TOR3A: variants seen among roughly 807,000 people sequenced by gnomAD.
The protein encoded by TOR3A is torsin-3A.
Under a neutral mutation model 42.1 loss-of-function variants are expected in TOR3A, and 44 were observed. The ratio of observed to expected loss-of-function variants is 1.04; its 90% CI spans 0.82 to 1.34. TOR3A has a LOEUF of 1.34. TOR3A is among the 40% of genes most tolerant of loss of function. The probability of loss-of-function intolerance (pLI) is 0.00; values close to 1 mark genes in which losing one functional copy is unlikely to be tolerated. For missense variants in TOR3A, 521 were observed against 507.6 expected (o/e 1.03, Z -0.25); for synonymous variants, 227 against 213.2 (o/e 1.06, Z -0.57).
chr1:179,085,068 G>C (rs994856324), intron 2 of TOR3A, among the ~76,000 whole-genome samples: 1 of 152,204 alleles, frequency 6.6e-6, no homozygotes, highest in Non-Finnish European at 1.5e-5. Context: ...GGTATCTGCA[G>C]GATCTTTAGG....
rs1178117210 is a variant in TOR3A, at chr1:179,087,911, G to A, written c.640G>A (p.Glu214Lys). 6.3e-7 allele frequency: 1 copy of A among 1,580,746 alleles called. No homozygotes were observed. Among genetic ancestry groups the A allele is most frequent in the Non-Finnish European group, 8.6e-7 (1 of 1,164,510 alleles). ...PHPKYVDLYK[E>K]QLMSQIRETQ... ...CAGCTGCTCCCTATATCCCGTGCAG[G>A]AGCAGCTGATGAGCCAGATCCGGGA... The change falls in exon 4 of 6, where the codon GAG becomes AAG. Residue 214 changes from glutamate (E) to lysine (K), a missense_variant and splice_region_variant. Coordinates refer to ENST00000367627, the MANE Select transcript of TOR3A (RefSeq NM_022371.4).
At chr1:179,091,933 G>A (rs189006579) in intron 4 of TOR3A, among the ~76,000 whole-genome samples, 2 of 152,202 alleles carry the variant, frequency 1.3e-5, no homozygotes, top group African/African-American at 2.4e-5. Flanking sequence ...TCAGAAAGTG[G>A]AAGAGTGGTG....
chr1:179,087,926 C>T lies in TOR3A; in HGVS notation c.655C>T (p.Gln219Ter). The change falls in exon 4 of 6, where the codon CAG (glutamine) becomes TAG (stop). Residue 219 changes from glutamine (Q) to a stop codon, truncating the protein, a stop_gained. Transcript: ENST00000367627. LOFTEE classifies it high-confidence loss of function. ...VDLYKEQLMS[Q>*]IRETQQLCHQ... is the part of the protein sequence containing the mutation. ...TCCCGTGCAGGAGCAGCTGATGAGC[C>T]AGATCCGGGAGACGCAGCAGCTCTG... The T allele has an allele frequency of 6.3e-7, 1 of 1,593,424 alleles. No individual in the cohort carries two copies. Among genetic ancestry groups the T allele is most frequent in the Non-Finnish European group, 8.5e-7 (1 of 1,170,312 alleles).
At chr1:179,091,242 G>A (rs749866062) in intron 4 of TOR3A, among the ~76,000 whole-genome samples, 2 of 152,182 alleles carry the variant, frequency 1.3e-5, no homozygotes, top group Non-Finnish European at 2.9e-5. Context: ...GGGGATGAGG[G>A]CTGGTTGAGA....
chr1:179,083,143 C>G, intron 2 of TOR3A, 90 bp downstream of exon 2: 1 of 714,774 alleles, frequency 1.4e-6, no homozygotes, highest in Non-Finnish European at 2.1e-6. Flanking sequence ...GACCTTTCGT[C>G]ATCCTGCCCA....
At chr1:179,086,665 CAAA>C (rs149541470) in intron 3 of TOR3A, among the ~76,000 whole-genome samples, 101 of 123,758 alleles carry the variant, frequency 8.2e-4, no homozygotes, top group East Asian at 9.9e-4. Context: ...GACTCCATCT[CAAA>C]AAAAAAAAAA....
At chr1:179,094,844 C>T in intron 5 of TOR3A, 124 bp from the exon 6 acceptor site, 1 of 937,286 alleles carries the variant, frequency 1.1e-6, no homozygotes, top group South Asian at 1.5e-5. Context: ...CACCACTGCA[C>T]TCCAGCCTGG....
chr1:179,092,730 A>G (rs1008247144), intron 4 of TOR3A, among the ~76,000 whole-genome samples: 19 of 152,118 alleles, frequency 1.2e-4, no homozygotes, highest in African/African-American at 4.6e-4. Context: ...AATCCCAGCT[A>G]CTTGGGAGGC....
At chr1:179,086,701 A>G (rs1259609339) in intron 3 of TOR3A, among the ~76,000 whole-genome samples, 2 of 150,972 alleles carry the variant, frequency 1.3e-5, no homozygotes, top group Non-Finnish European at 2.9e-5. Flanking sequence ...GGCCTATCCT[A>G]TCTTACCTGA....
At chr1:179,093,942 A>T in intron 4 of TOR3A, 151 bp from the exon 5 acceptor site, 1 of 960,542 alleles carries the variant, frequency 1.0e-6, no homozygotes, top group Non-Finnish European at 1.5e-6. Flanking sequence ...TTGGGTTGTG[A>T]GGTTGTGACA....
chr1:179,088,168 C>T, intron 4 of TOR3A, 79 bp downstream of exon 4: 1 of 1,420,122 alleles, frequency 7.0e-7, no homozygotes, highest in East Asian at 2.4e-5. Context: ...CCACACGCCC[C>T]CAGGTTCAGA....
At chr1:179,082,618 C>T (rs540019493) in intron 1 of TOR3A, 2 of 708,928 alleles carry the variant, frequency 2.8e-6, no homozygotes, top group Non-Finnish European at 5.0e-6. Context: ...GGCTTCCCGT[C>T]CCCCGCCTCC....
Position 179,082,472 on chromosome 1 carries a change from G to A in TOR3A, c.259+85G>A. On this transcript the variant is annotated intron_variant, in intron 1 of 5. Transcript: ENST00000367627. ...GCTGTGGTCGCCTCGCTCCTGTCCG[G>A]GGCGACATCTGGGCCCGCAGTCCTG... The A allele has an allele frequency of 3.4e-6, 5 of 1,479,344 alleles. No homozygotes were observed. In the East Asian group the frequency reaches 9.8e-5, roughly 29 times the overall value. 91.6% of individuals were successfully genotyped at this position (1,479,344 alleles called of 1,614,324 possible).
chr1:179,094,257 G>A, intron 5 of TOR3A, 40 bp downstream of exon 5: 1 of 1,590,470 alleles, frequency 6.3e-7, no homozygotes, highest in Non-Finnish European at 8.5e-7. Flanking sequence ...GAGAGCCACA[G>A]CTGGTGATAA....
chr1:179,085,815 C>A lies in TOR3A; in HGVS notation c.561C>A (p.Asp187Glu). ...TGCTGGTGGAGAACCTGTATCGGGA[C>A]GGGCTGATGAGTGACTGTGTCAGGA... ...ARMLVENLYR[D>E]GLMSDCVRMF... Residue 187 changes from aspartate (D) to glutamate (E), a missense_variant, in exon 3 of 6, where the codon GAC becomes GAA. Coordinates refer to ENST00000367627, the MANE Select transcript of TOR3A (RefSeq NM_022371.4). 1 of 1,614,160 alleles carries A rather than the reference C, an allele frequency of 6.2e-7. No homozygotes were observed.
intron 4 of TOR3A, among the ~76,000 whole-genome samples, chr1:179,093,153 G>A (rs1652639488): frequency 6.6e-6 from 1 of 152,156 alleles, no homozygotes; most frequent in Non-Finnish European, 1.5e-5. Context: ...CCTGGGCCGT[G>A]GAGGGCGGAG....
At chr1:179,085,991 G>A in intron 3 of TOR3A, 98 bp downstream of exon 3, 1 of 1,473,912 alleles carries the variant, frequency 6.8e-7, no homozygotes, top group Non-Finnish European at 9.1e-7. Context: ...AGAAGCCTGG[G>A]GAGGTGGGGA....
At chr1:179,088,239 A>C in intron 4 of TOR3A, 150 bp downstream of exon 4, 1 of 861,928 alleles carries the variant, frequency 1.2e-6, no homozygotes, top group Non-Finnish European at 1.7e-6. Flanking sequence ...CAGCTGTGGT[A>C]GCTCACGCCT....
Position 179,095,606 on chromosome 1 carries a change from C to A in TOR3A, c.*388C>A. ...GGCTTATTATGACACTCCAGATGGT[C>A]TCCTTAGCATCTCAGCTCTTCTGCA... On this transcript the variant is annotated 3_prime_UTR_variant, in exon 6 of 6. Coordinates refer to ENST00000367627, the MANE Select transcript of TOR3A (RefSeq NM_022371.4). 9.3e-7 allele frequency: 1 copy of A among 1,079,362 alleles called. No individual in the cohort carries two copies. 66.9% of individuals were successfully genotyped at this position (1,079,362 alleles called of 1,614,324 possible).
Sources: gnomAD v4.1 joint callset for allele counts (sites outside exome capture counted in the v4.1 genomes callset) on GRCh38, gnomAD v4.1.1 for gene constraint, MANE v1.5 for transcripts, NCBI Gene and HGNC (gene_info 2026-07-23, HGNC 2026-07-21) for gene names.